Variants in METTL15 observed in about 807,000 individuals in gnomAD.
METTL15 encodes 12S rRNA N(4)-cytidine methyltransferase METTL15.
METTL15 carries 34 observed loss-of-function variants against 38.3 expected under a neutral mutation model. That is an observed-to-expected ratio of 0.89 (90% CI 0.68 to 1.18). The LOEUF is 1.18. METTL15 is among the 50% of genes most tolerant of loss of function. The pLI is 0.00. For synonymous variants in METTL15, 162 were observed against 170.9 expected (o/e 0.95, Z 0.41); for missense variants, 438 against 498.4 (o/e 0.88, Z 1.15).
chr11:28,383,087 G>A (rs1007209926), intron 5 of METTL15, among the ~76,000 whole-genome samples: 15 of 152,048 alleles, frequency 9.9e-5, no homozygotes, highest in Admixed American at 6.6e-4. Flanking sequence ...CATAGTACTC[G>A]AAAGGTAGAT....
At chr11:28,245,112 C>T (rs1001692927) in intron 4 of METTL15, among the ~76,000 whole-genome samples, 11 of 152,100 alleles carry the variant, frequency 7.2e-5, no homozygotes, top group Admixed American at 5.2e-4. Context: ...GGGCTGTATC[C>T]GTTGGGAATC....
intron 6 of METTL15, among the ~76,000 whole-genome samples, chr11:28,523,971 T>C (rs1221441084): frequency 6.6e-6 from 1 of 152,190 alleles, no homozygotes; most frequent in African/African-American, 2.4e-5. Flanking sequence ...CTGACAAACA[T>C]CCCACAATGC....
At chr11:28,165,551 A>T (rs1850629378) in intron 3 of METTL15, among the ~76,000 whole-genome samples, 1 of 151,280 alleles carries the variant, frequency 6.6e-6, no homozygotes, top group South Asian at 2.1e-4. Context: ...TAGTTTTTTG[A>T]GTTTGTTAAC....
intron 5 of METTL15, among the ~76,000 whole-genome samples, chr11:28,423,956 C>T (rs1316530500): frequency 6.6e-6 from 1 of 151,986 alleles, no homozygotes; most frequent in Non-Finnish European, 1.5e-5. Flanking sequence ...CAAAATATCC[C>T]ATATACCCCA....
intron 5 of METTL15, among the ~76,000 whole-genome samples, chr11:28,372,719 C>T (rs969369801): frequency 6.6e-5 from 10 of 150,868 alleles, no homozygotes; most frequent in African/African-American, 1.5e-4. Flanking sequence ...GCTGCACCCA[C>T]TAACTAGTCA....
intron 3 of METTL15, among the ~76,000 whole-genome samples, chr11:28,175,918 T>C (rs996281659): frequency 2.0e-5 from 3 of 151,926 alleles, no homozygotes; most frequent in African/African-American, 7.2e-5. Context: ...CAAATATATA[T>C]ATATATATGT....
chr11:28,429,519 C>T (rs1459479504), intron 6 of METTL15, among the ~76,000 whole-genome samples: 1 of 125,412 alleles, frequency 8.0e-6, no homozygotes, highest in Admixed American at 8.2e-5. Context: ...AGGCACGCGC[C>T]GCCACGCCTG....
At position 28,231,368 on chromosome 11, in the gene METTL15, C is replaced by A. The variant is rs1024217381; in HGVS notation, c.407+20170C>A. 4.6e-5 allele frequency among the ~76,000 whole-genome samples: 7 copies of A among 151,714 alleles called. 1 individual carries two copies. The highest frequency in any genetic ancestry group is 1.5e-4 in the African/African-American group (6 of 41,366). On this transcript the variant is annotated intron_variant, in intron 4 of 6. Transcript: ENST00000407364. ...CTCATTACATAGGACACATTATGGA[C>A]CTTTCATAGGACAAATAAAATAATA...
intron 3 of METTL15, among the ~76,000 whole-genome samples, chr11:28,200,480 C>T (rs908272921): frequency 5.3e-5 from 8 of 152,222 alleles, no homozygotes; most frequent in South Asian, 4.1e-4. Context: ...TATTATTACT[C>T]TTCATTCCTG....
chr11:28,238,621 C>T (rs894846410), intron 4 of METTL15, among the ~76,000 whole-genome samples: 7 of 152,322 alleles, frequency 4.6e-5, no homozygotes, highest in South Asian at 2.1e-4. Flanking sequence ...CACTGTCCTG[C>T]GCCCACTGTC....
At chr11:28,485,294 A>G (rs1055112751) in intron 6 of METTL15, among the ~76,000 whole-genome samples, 2 of 152,244 alleles carry the variant, frequency 1.3e-5, no homozygotes, top group Non-Finnish European at 2.9e-5. Context: ...GATGCTGGAT[A>G]TAATAATGAC....
chr11:28,379,208 G>A (rs564882937), intron 5 of METTL15, among the ~76,000 whole-genome samples: 5 of 151,662 alleles, frequency 3.3e-5, no homozygotes, highest in Non-Finnish European at 5.9e-5. Flanking sequence ...TCTAAATTAT[G>A]TTTAATTCTG....
intron 6 of METTL15, among the ~76,000 whole-genome samples, chr11:28,431,243 G>A (rs1468857974): frequency 4.9e-5 from 7 of 144,142 alleles, no homozygotes; most frequent in South Asian, 4.5e-4. Flanking sequence ...GAAGTGAGGA[G>A]CCCCTCTGCC....
chr11:28,330,609 G>A lies in METTL15; in HGVS notation c.992G>A (p.Arg331Lys), dbSNP rs1849786205. The A allele has an allele frequency of 6.4e-7, 1 of 1,551,320 alleles. No individual in the cohort carries two copies. Among genetic ancestry groups the A allele is most frequent in the South Asian group, 1.2e-5 (1 of 84,052 alleles). Residue 331 changes from arginine (R) to lysine (K), a missense_variant, in exon 7 of 7, where the codon AGA (arginine) becomes AAA (lysine). By Grantham distance (26) the Arg-to-Lys change is conservative (BLOSUM62 2). Transcript: ENST00000407364. ...TCACTAGAGGATCGCATCGTCAAAA[G>A]ATTTTTGCTTGGAATAAGCATGACA... is the stretch of plus-strand genomic sequence containing the variant. ...FHSLEDRIVK[R>K]FLLGISMTER...
chr11:28,247,328 A>G (rs566483842), intron 4 of METTL15, among the ~76,000 whole-genome samples: 1 of 152,166 alleles, frequency 6.6e-6, no homozygotes, highest in African/African-American at 2.4e-5. Flanking sequence ...TGAAAATTGA[A>G]TAAATGAATT....
intron 4 of METTL15, among the ~76,000 whole-genome samples, chr11:28,217,384 C>G (rs567038522): frequency 1.3e-5 from 2 of 152,224 alleles, no homozygotes; most frequent in South Asian, 4.2e-4. Context: ...CTGTTCGTAT[C>G]CTTTGCCCAC....
chr11:28,379,589 A>G (rs1271505459), intron 5 of METTL15, among the ~76,000 whole-genome samples: 3 of 152,138 alleles, frequency 2.0e-5, no homozygotes, highest in African/African-American at 7.2e-5. Context: ...TATAATTACT[A>G]CTTTTTATAA....
intron 6 of METTL15, among the ~76,000 whole-genome samples, chr11:28,474,205 TA>T (rs1255405798): frequency 6.6e-6 from 1 of 151,788 alleles, no homozygotes; most frequent in African/African-American, 2.4e-5. Flanking sequence ...TACAAATATT[TA>T]ATACATATTA....
chr11:28,131,763 A>G (rs748847841), intron 3 of METTL15, among the ~76,000 whole-genome samples: 3 of 152,196 alleles, frequency 2.0e-5, no homozygotes, highest in Non-Finnish European at 2.9e-5. Context: ...CAACTTTAAC[A>G]GTTTTTGTTG....
Sources: gnomAD v4.1 joint callset for allele counts (sites outside exome capture counted in the v4.1 genomes callset) on GRCh38, gnomAD v4.1.1 for gene constraint, MANE v1.5 for transcripts, NCBI Gene and HGNC (gene_info 2026-07-23, HGNC 2026-07-21) for gene names.